EXOC4: variants seen among roughly 807,000 people sequenced by gnomAD.
EXOC4 encodes SEC8-like 1.
Under a neutral mutation model 107.2 loss-of-function variants are expected in EXOC4, and 71 were observed. That is an observed-to-expected ratio of 0.66 (90% CI 0.55 to 0.81). EXOC4 has a LOEUF of 0.81. Among genes scored for constraint, EXOC4 ranks in the 30% least tolerant of loss-of-function variants. EXOC4 has a pLI of 0.00. For missense variants in EXOC4, 1,108 were observed against 1,189.6 expected (o/e 0.93, Z 1.01); for synonymous variants, 456 against 441.2 (o/e 1.03, Z -0.42).
chr7:134,050,825 T>A (rs2116577428), intron 17 of EXOC4, among the ~76,000 whole-genome samples: 1 of 152,274 alleles, frequency 6.6e-6, no homozygotes, highest in East Asian at 1.9e-4. Flanking sequence ...ACACAAGGTT[T>A]TTTTTTTATT....
chr7:133,279,806 G>T (rs975920420), intron 2 of EXOC4, among the ~76,000 whole-genome samples: 1 of 151,926 alleles, frequency 6.6e-6, no homozygotes, highest in African/African-American at 2.4e-5. Context: ...GGCGTGAGCC[G>T]CTGTGCCTGG....
At chr7:133,572,898 C>G (rs1456664243) in intron 9 of EXOC4, among the ~76,000 whole-genome samples, 1 of 152,114 alleles carries the variant, frequency 6.6e-6, no homozygotes, top group Non-Finnish European at 1.5e-5. Context: ...TCTTAGTTTC[C>G]CACTATGAAA....
intron 7 of EXOC4, among the ~76,000 whole-genome samples, chr7:133,399,661 T>C (rs149064300): frequency 2.0e-4 from 31 of 152,296 alleles, no homozygotes; most frequent in Non-Finnish European, 4.0e-4. Context: ...AGACAAGATA[T>C]ACTGTTGGAC....
chr7:133,276,077 T>G (rs974283026), intron 2 of EXOC4, among the ~76,000 whole-genome samples: 2 of 152,146 alleles, frequency 1.3e-5, no homozygotes, highest in African/African-American at 4.8e-5. Context: ...TTTGTTATTT[T>G]TCTCTCTTTT....
intron 9 of EXOC4, among the ~76,000 whole-genome samples, chr7:133,548,958 G>T (rs1233173516): frequency 1.3e-5 from 2 of 152,118 alleles, no homozygotes; most frequent in Non-Finnish European, 2.9e-5. Context: ...CTTTCTACGT[G>T]CCTTCCTCAC....
chr7:133,901,596 A>G (rs10954433), intron 12 of EXOC4, among the ~76,000 whole-genome samples: 151,251 of 152,340 alleles, frequency 0.99, 75,087 homozygotes, highest in East Asian at 1. Context: ...TCAAAGCGTT[A>G]TTTCAAAAAT....
chr7:133,522,040 A>G (rs1210830107), intron 9 of EXOC4, among the ~76,000 whole-genome samples: 2 of 152,162 alleles, frequency 1.3e-5, no homozygotes, highest in African/African-American at 2.4e-5. Flanking sequence ...TATTAAATCA[A>G]AATCAGCAAA....
At chr7:133,341,611 T>TC (rs1232304051) in intron 5 of EXOC4, among the ~76,000 whole-genome samples, 1 of 152,212 alleles carries the variant, frequency 6.6e-6, no homozygotes, top group Non-Finnish European at 1.5e-5. Context: ...TGATGACCTG[T>TC]CTAGTGCTGT....
At chr7:133,948,467 G>GA (rs1372791535) in intron 14 of EXOC4, among the ~76,000 whole-genome samples, 1 of 152,150 alleles carries the variant, frequency 6.6e-6, no homozygotes, top group Non-Finnish European at 1.5e-5. Flanking sequence ...ATTGATTTTA[G>GA]AAAAATGTTC....
At chr7:133,576,434 T>C in intron 9 of EXOC4, 1 of 1,191,668 alleles carries the variant, frequency 8.4e-7, no homozygotes, top group Non-Finnish European at 1.1e-6. Context: ...TGTAGTATAT[T>C]ACTACACTTA....
chr7:133,498,412 C>T (rs1265374690), intron 9 of EXOC4, among the ~76,000 whole-genome samples: 1 of 152,056 alleles, frequency 6.6e-6, no homozygotes, highest in Non-Finnish European at 1.5e-5. Flanking sequence ...GGTGAAACCC[C>T]GTCTCTACTA....
chr7:133,754,493 TAAG>T (rs1031599997), intron 10 of EXOC4, among the ~76,000 whole-genome samples: 10 of 152,160 alleles, frequency 6.6e-5, no homozygotes, highest in Admixed American at 3.3e-4. Flanking sequence ...GGTTGTTAAA[TAAG>T]AAGAGAACTG....
At chr7:133,263,626 C>T (rs1471390275) in intron 1 of EXOC4, among the ~76,000 whole-genome samples, 1 of 152,020 alleles carries the variant, frequency 6.6e-6, no homozygotes, top group East Asian at 1.9e-4. Context: ...AAGCAATCTG[C>T]CTGCCTTGGC....
chr7:133,753,650 C>T (rs996154072), intron 10 of EXOC4, among the ~76,000 whole-genome samples: 1 of 152,206 alleles, frequency 6.6e-6, no homozygotes, highest in African/African-American at 2.4e-5. Flanking sequence ...GAAGGAAGCA[C>T]ATTCCTGCCT....
chr7:133,310,349 T>TCA (rs1466391947), intron 4 of EXOC4, among the ~76,000 whole-genome samples: 8 of 152,274 alleles, frequency 5.3e-5, no homozygotes, highest in African/African-American at 1.9e-4. Flanking sequence ...ACTTGGAAAC[T>TCA]GTGACTTTAA....
At chr7:133,569,350 C>A (rs10954418) in intron 9 of EXOC4, among the ~76,000 whole-genome samples, 1 of 151,892 alleles carries the variant, frequency 6.6e-6, no homozygotes, top group African/African-American at 2.4e-5. Context: ...ACAACAAATA[C>A]GTTAGATATG....
Position 133,686,993 on chromosome 7 carries a change from T to TGTG in EXOC4, c.1514+56852_1514+56853insGTG, listed in dbSNP as rs1562907797. On this transcript the variant is annotated intron_variant, in intron 10 of 17. Coordinates refer to ENST00000253861, the MANE Select transcript of EXOC4 (RefSeq NM_021807.4). ...TCAATCAATGAGGGGATAAAGAATT[T>TGTG]TGTGTGTGTGTGTGTGTGTGTGTGT... Among the ~76,000 whole-genome samples the TGTG allele has an allele frequency of 7.4e-3, 56 of 7,606 alleles. 1 individual carries two copies. Among genetic ancestry groups the TGTG allele is most frequent in the Admixed American group, 0.011 (7 of 646 alleles). The allele number at this position is 7,606 out of a possible 152,430, so 5.0% of individuals were successfully genotyped here.
chr7:133,502,866 TCTGCCAAGTTAAAA>T (rs944376670), intron 9 of EXOC4, among the ~76,000 whole-genome samples: 21 of 152,172 alleles, frequency 1.4e-4, no homozygotes, highest in African/African-American at 5.1e-4. Context: ...TTTAATTCAT[TCTGCCAAGTTAAAA>T]CTCATATGCA....
At chr7:133,900,500 T>G (rs1799427098) in intron 12 of EXOC4, among the ~76,000 whole-genome samples, 1 of 152,228 alleles carries the variant, frequency 6.6e-6, no homozygotes, top group Admixed American at 6.5e-5. Flanking sequence ...AATGTCAGAC[T>G]CAAGGAACTT....
Sources: allele counts gnomAD v4.1 joint callset (sites outside exome capture counted in the v4.1 genomes callset), GRCh38; gene constraint gnomAD v4.1.1; transcripts MANE v1.5; gene names NCBI Gene and HGNC (gene_info 2026-07-23, HGNC 2026-07-21).